Variants in TMEM74 observed in about 807,000 individuals in gnomAD.
The protein encoded by TMEM74 is transmembrane protein 74.
In TMEM74, 13 loss-of-function variants were observed where a neutral mutation model predicts 18.1. The observed-to-expected ratio is 0.72, with a 90% CI of 0.47 to 1.14. The LOEUF is 1.14. Ranked by LOEUF, TMEM74 falls within the 50% of genes most tolerant of loss-of-function variation. The pLI, the probability that TMEM74 is intolerant of heterozygous loss-of-function variation, is 0.00. For synonymous variants in TMEM74, 159 were observed against 146.6 expected (o/e 1.08, Z -0.61); for missense variants, 372 against 375.9 (o/e 0.99, Z 0.09).
At chr8:108,635,687 A>G (rs1325075952) in intron 2 of TMEM74, among the ~76,000 whole-genome samples, 2 of 152,098 alleles carry the variant, frequency 1.3e-5, no homozygotes, top group Non-Finnish European at 1.5e-5. Flanking sequence ...CATTAAAACC[A>G]AAAATCTCAG....
At chr8:108,652,039 G>A (rs1251548634) in intron 2 of TMEM74, among the ~76,000 whole-genome samples, 2 of 151,562 alleles carry the variant, frequency 1.3e-5, no homozygotes, top group Admixed American at 1.3e-4. Flanking sequence ...TCATATTTAG[G>A]TCTTGACTTC....
At position 108,750,599 on chromosome 8, in the gene TMEM74, C is replaced by T. The variant is rs78663065; in HGVS notation, n.119+36877G>A. ...CTGTTACACTAAAGCGTTAATTGAA[C>T]GCAGACACCAGGGAGAAGAAACTTC... On this transcript the variant is annotated intron_variant and non_coding_transcript_variant, in intron 1 of 3. Transcript: ENST00000518838. Among the ~76,000 whole-genome samples the T allele has an allele frequency of 2.9e-3, 448 of 152,158 alleles. 3 individuals are homozygous for T. Among genetic ancestry groups the T allele is most frequent in the African/African-American group, 9.8e-3 (408 of 41,530 alleles).
chr8:108,718,115 C>T (rs1394965237), intron 1 of TMEM74, among the ~76,000 whole-genome samples: 3 of 110,618 alleles, frequency 2.7e-5, no homozygotes, highest in Admixed American at 8.8e-5. Flanking sequence ...CCCGCCACTA[C>T]GCCCGGCTAA....
chr8:108,699,218 TC>T (rs1813313295), intron 1 of TMEM74, among the ~76,000 whole-genome samples: 1 of 129,842 alleles, frequency 7.7e-6, no homozygotes. Context: ...CCTCTCTCCC[TC>T]CCTCCTTCTC....
chr8:108,677,536 G>A, intron 1 of TMEM74, among the ~76,000 whole-genome samples: 1 of 145,198 alleles, frequency 6.9e-6, no homozygotes, highest in East Asian at 2.0e-4. Flanking sequence ...AACGGCCTTA[G>A]TATTCTGTTG....
chr8:108,617,847 C>T (rs1812401049), intron 2 of TMEM74, among the ~76,000 whole-genome samples: 1 of 152,068 alleles, frequency 6.6e-6, no homozygotes, highest in African/African-American at 2.4e-5. Flanking sequence ...GAAAAGTTTA[C>T]CAGTGTTGAA....
At chr8:108,737,661 G>A (rs1255016144) in intron 1 of TMEM74, among the ~76,000 whole-genome samples, 1 of 152,140 alleles carries the variant, frequency 6.6e-6, no homozygotes, top group African/African-American at 2.4e-5. Context: ...GGTGTCCTTA[G>A]ATCTCTGTAG....
chr8:108,633,446 A>G (rs890201544), intron 2 of TMEM74, among the ~76,000 whole-genome samples: 1 of 152,008 alleles, frequency 6.6e-6, no homozygotes, highest in African/African-American at 2.4e-5. Context: ...TTGGTAATGA[A>G]TAACTGACAC....
chr8:108,683,389 A>G (rs750948301), intron 1 of TMEM74, among the ~76,000 whole-genome samples: 5 of 151,840 alleles, frequency 3.3e-5, no homozygotes, highest in Non-Finnish European at 7.4e-5. Context: ...TTAAATATTT[A>G]CAAGTTAAAA....
intron 1 of TMEM74, among the ~76,000 whole-genome samples, chr8:108,671,994 A>G (rs1277156713): frequency 6.6e-6 from 1 of 152,188 alleles, no homozygotes; most frequent in East Asian, 1.9e-4. Flanking sequence ...GCTTAGCACA[A>G]GTATTATTTC....
intron 1 of TMEM74, among the ~76,000 whole-genome samples, chr8:108,683,627 G>A (rs1401112625): frequency 6.6e-6 from 1 of 151,880 alleles, no homozygotes; most frequent in Non-Finnish European, 1.5e-5. Flanking sequence ...TATTCATGGG[G>A]TACATAGTGA....
chr8:108,659,888 G>C (rs1251661576), intron 1 of TMEM74, among the ~76,000 whole-genome samples: 27 of 152,008 alleles, frequency 1.8e-4, no homozygotes, highest in Non-Finnish European at 2.9e-5. Context: ...CAATTACTCA[G>C]TACAGTGAGA....
chr8:108,724,233 A>G (rs1813612145), intron 1 of TMEM74, among the ~76,000 whole-genome samples: 1 of 152,130 alleles, frequency 6.6e-6, no homozygotes, highest in Non-Finnish European at 1.5e-5. Flanking sequence ...AAATCTATTT[A>G]TTTCATCATC....
intron 1 of TMEM74, among the ~76,000 whole-genome samples, chr8:108,665,270 T>G (rs1252084258): frequency 6.6e-6 from 1 of 152,120 alleles, no homozygotes; most frequent in East Asian, 1.9e-4. Flanking sequence ...CAGTAACTGG[T>G]CCAGCAGTCT....
At chr8:108,756,256 C>A (rs1342891572) in intron 1 of TMEM74, among the ~76,000 whole-genome samples, 1 of 151,904 alleles carries the variant, frequency 6.6e-6, no homozygotes, top group Admixed American at 6.6e-5. Context: ...GTAGAGAACT[C>A]TTTTAATATG....
chr8:108,642,518 C>T (rs924299703), intron 2 of TMEM74, among the ~76,000 whole-genome samples: 2 of 151,974 alleles, frequency 1.3e-5, no homozygotes, highest in Admixed American at 1.3e-4. Context: ...TGCACACTTT[C>T]GACTTTATTC....
intron 1 of TMEM74, among the ~76,000 whole-genome samples, chr8:108,701,430 T>C (rs1050018002): frequency 1.3e-5 from 2 of 152,152 alleles, no homozygotes; most frequent in African/African-American, 4.8e-5. Flanking sequence ...GTTTACAGAT[T>C]GGGAAGGAAG....
At chr8:108,645,150 C>T (rs1001606316) in intron 2 of TMEM74, among the ~76,000 whole-genome samples, 13 of 152,110 alleles carry the variant, frequency 8.5e-5, no homozygotes, top group African/African-American at 3.1e-4. Flanking sequence ...GGTGCATATA[C>T]ACCATGGAAT....
At chr8:108,686,834 T>G (rs2130603873) in intron 1 of TMEM74, among the ~76,000 whole-genome samples, 1 of 152,266 alleles carries the variant, frequency 6.6e-6, no homozygotes, top group Non-Finnish European at 1.5e-5. Context: ...AGACTCTAAG[T>G]GTTTATTATT....
Sources: gnomAD v4.1 joint callset for allele counts (sites outside exome capture counted in the v4.1 genomes callset) on GRCh38, gnomAD v4.1.1 for gene constraint, MANE v1.5 for transcripts, NCBI Gene and HGNC (gene_info 2026-07-23, HGNC 2026-07-21) for gene names.